The following CTNNA2 variants were observed in gnomAD, a reference collection of about 807,000 sequenced individuals.
The protein encoded by CTNNA2 is catenin alpha 2.
A neutral mutation model predicts 101.0 loss-of-function variants in CTNNA2; 42 were observed. That is an observed-to-expected ratio of 0.42 (90% confidence interval 0.32 to 0.54). The LOEUF is 0.54. Ranked by LOEUF, CTNNA2 falls within the 20% of genes least tolerant of loss-of-function variation. CTNNA2 has a pLI of 0.14. For synonymous variants in CTNNA2, 450 were observed against 456.4 expected (o/e 0.99, Z 0.18); for missense variants, 871 against 1,223.1 (o/e 0.71, Z 4.29).
At chr2:80,218,911 T>C (rs1202759388) in intron 7 of CTNNA2, among the ~76,000 whole-genome samples, 1 of 152,226 alleles carries the variant, frequency 6.6e-6, no homozygotes, top group Non-Finnish European at 1.5e-5. Flanking sequence ...TATTTAATCG[T>C]ATCATTTAGT....
intron 7 of CTNNA2, among the ~76,000 whole-genome samples, chr2:80,251,568 G>T (rs58311567): frequency 6.6e-6 from 1 of 152,052 alleles, no homozygotes; most frequent in Non-Finnish European, 1.5e-5. Flanking sequence ...TATAAAGAAA[G>T]CCAACCAAAC....
At chr2:79,417,938 A>G (rs1313439825) in intron 4 of CTNNA2, among the ~76,000 whole-genome samples, 4 of 152,118 alleles carry the variant, frequency 2.6e-5, no homozygotes, top group Admixed American at 6.6e-5. Flanking sequence ...GAGGTTGGCC[A>G]TACCACGTGG....
At chr2:80,049,467 T>A (rs927168614) in intron 7 of CTNNA2, among the ~76,000 whole-genome samples, 3 of 152,162 alleles carry the variant, frequency 2.0e-5, no homozygotes, top group African/African-American at 4.8e-5. Context: ...AAATAATGAA[T>A]TCATTTATTT....
chr2:80,464,507 A>T (rs1473576079), intron 9 of CTNNA2, among the ~76,000 whole-genome samples: 2 of 152,196 alleles, frequency 1.3e-5, no homozygotes, highest in African/African-American at 2.4e-5. Context: ...TAAAAAGGGA[A>T]CAAGCAGATC....
chr2:79,190,837 A>G (rs1290547080), intron 1 of CTNNA2, among the ~76,000 whole-genome samples: 1 of 152,190 alleles, frequency 6.6e-6, no homozygotes, highest in East Asian at 1.9e-4. Flanking sequence ...TTAATAAGCC[A>G]GGGGGAGCTT....
At chr2:79,809,231 A>G (rs371119384) in intron 3 of CTNNA2, among the ~76,000 whole-genome samples, 2 of 152,294 alleles carry the variant, frequency 1.3e-5, no homozygotes, top group African/African-American at 4.8e-5. Context: ...TCTATTGTAA[A>G]TGGTGCTGTG....
At chr2:80,523,443 TTTGGTG>T (rs1689748587) in intron 9 of CTNNA2, among the ~76,000 whole-genome samples, 1 of 152,098 alleles carries the variant, frequency 6.6e-6, no homozygotes, top group Non-Finnish European at 1.5e-5. Context: ...ATGTTAGTGA[TTTGGTG>T]ATAATGTTAG....
intron 3 of CTNNA2, among the ~76,000 whole-genome samples, chr2:79,828,096 A>G (rs944322040): frequency 2.0e-5 from 3 of 152,206 alleles, no homozygotes; most frequent in South Asian, 2.1e-4. Flanking sequence ...AATAACTTAC[A>G]TATGAGGTTA....
chr2:79,255,212 T>C (rs905352016), intron 2 of CTNNA2, among the ~76,000 whole-genome samples: 6 of 152,208 alleles, frequency 3.9e-5, no homozygotes, highest in South Asian at 2.1e-4. Context: ...CCAGTTAATA[T>C]GTTATTTCCT....
At chr2:79,752,055 G>A (rs1200382545) in intron 3 of CTNNA2, among the ~76,000 whole-genome samples, 1 of 152,126 alleles carries the variant, frequency 6.6e-6, no homozygotes, top group Non-Finnish European at 1.5e-5. Flanking sequence ...GAGTGACAGG[G>A]GCAGGGGAGA....
chr2:79,199,109 G>A (rs1673999828), intron 2 of CTNNA2, among the ~76,000 whole-genome samples: 1 of 152,238 alleles, frequency 6.6e-6, no homozygotes, highest in African/African-American at 2.4e-5. Context: ...TTACAAAGTT[G>A]TAAAATAGCT....
At chr2:79,468,675 CTG>C (rs1670965317) in intron 4 of CTNNA2, among the ~76,000 whole-genome samples, 2 of 152,218 alleles carry the variant, frequency 1.3e-5, no homozygotes, top group African/African-American at 4.8e-5. Context: ...TTATAACAAA[CTG>C]TCTCTCAGAC....
chr2:79,853,915 G>A (rs1461277852), intron 3 of CTNNA2, among the ~76,000 whole-genome samples: 6 of 149,330 alleles, frequency 4.0e-5, no homozygotes, highest in Non-Finnish European at 7.5e-5. Flanking sequence ...TGATCCACCC[G>A]CCTTTGCCTT....
chr2:80,318,948 G>A (rs1223100944), intron 7 of CTNNA2, among the ~76,000 whole-genome samples: 1 of 152,130 alleles, frequency 6.6e-6, no homozygotes, highest in Non-Finnish European at 1.5e-5. Context: ...AGGTTTTAGT[G>A]TATGTTGGAA....
chr2:79,451,765 T>C (rs2104527556), intron 4 of CTNNA2, among the ~76,000 whole-genome samples: 1 of 150,902 alleles, frequency 6.6e-6, no homozygotes, highest in South Asian at 2.1e-4. Flanking sequence ...ATGTATTATA[T>C]ATATAAAATA....
At chr2:80,346,063 C>T (rs748571700) in intron 7 of CTNNA2, among the ~76,000 whole-genome samples, 4 of 152,092 alleles carry the variant, frequency 2.6e-5, no homozygotes, top group Non-Finnish European at 5.9e-5. Flanking sequence ...TTTTTTTGAA[C>T]CATTTAATTG....
At chr2:80,557,359 C>T (rs1184290755) in intron 12 of CTNNA2, among the ~76,000 whole-genome samples, 1 of 152,004 alleles carries the variant, frequency 6.6e-6, no homozygotes, top group Admixed American at 6.6e-5. Flanking sequence ...TATTTTTTTC[C>T]CTAATTCTCC....
intron 1 of CTNNA2, among the ~76,000 whole-genome samples, chr2:79,614,061 T>C (rs1350812538): frequency 6.6e-6 from 1 of 152,180 alleles, no homozygotes; most frequent in Non-Finnish European, 1.5e-5. Context: ...TAATCAGCAA[T>C]TTGGTGTGAC....
At chr2:80,277,931 C>G (rs974442259) in intron 7 of CTNNA2, among the ~76,000 whole-genome samples, 1 of 152,076 alleles carries the variant, frequency 6.6e-6, no homozygotes, top group African/African-American at 2.4e-5. Context: ...CCGGGTTAAG[C>G]CAACCTAATT....
Sources: gnomAD v4.1 joint callset for allele counts (sites outside exome capture counted in the v4.1 genomes callset) on GRCh38, gnomAD v4.1.1 for gene constraint, MANE v1.5 for transcripts, NCBI Gene and HGNC (gene_info 2026-07-23, HGNC 2026-07-21) for gene names.